Variants in CCDC83 observed in about 807,000 individuals in gnomAD.
CCDC83 encodes the protein coiled-coil domain-containing protein 83.
A neutral mutation model predicts 50.1 loss-of-function variants in CCDC83; 54 were observed. The ratio of observed to expected loss-of-function variants is 1.08; its 90% CI spans 0.87 to 1.35. The LOEUF (loss-of-function observed/expected upper bound fraction) is 1.35. Ranked by LOEUF, CCDC83 falls within the 40% of genes most tolerant of loss-of-function variation. The pLI, the probability that CCDC83 is intolerant of heterozygous loss-of-function variation, is 0.00. For missense variants in CCDC83, 518 were observed against 473.9 expected (o/e 1.09, Z -0.86); for synonymous variants, 161 against 153.3 (o/e 1.05, Z -0.37).
rs938271201 is a variant in CCDC83, at chr11:85,919,447, C to G, written c.1179C>G (p.Leu393=). 1.9e-6 allele frequency: 3 copies of G among 1,612,742 alleles called. No individual in the cohort carries two copies. Among genetic ancestry groups the G allele is most frequent in the Non-Finnish European group, 2.5e-6 (3 of 1,179,030 alleles). ...HFQEKEIPVK[L]YKDVRSPESH... is the part of the protein sequence containing the mutation. ...AAGAGAAGGAAATTCCAGTCAAACT[C>G]TATAAAGATGTCAGGAGCCCAGAAA... The change falls in exon 11 of 11, where the codon CTC becomes CTG. Residue 393 remains leucine (L), a synonymous_variant. Transcript: ENST00000342404.
At chr11:85,867,835 C>T (rs1452436535) in intron 2 of CCDC83, among the ~76,000 whole-genome samples, 1 of 152,170 alleles carries the variant, frequency 6.6e-6, no homozygotes, top group Non-Finnish European at 1.5e-5. Flanking sequence ...ACATCTCATA[C>T]CCTTGTTCTT....
intron 3 of CCDC83, among the ~76,000 whole-genome samples, chr11:85,878,514 A>C (rs2093280898): frequency 6.6e-6 from 1 of 152,220 alleles, no homozygotes; most frequent in Non-Finnish European, 1.5e-5. Context: ...GTGTGTTATC[A>C]GTTAGTTTCT....
chr11:85,912,786 C>T (rs755055346), intron 8 of CCDC83: 3 of 1,157,720 alleles, frequency 2.6e-6, no homozygotes, highest in Non-Finnish European at 3.9e-6. Flanking sequence ...CTGTCCACTG[C>T]CCTCTTTTCT....
intron 3 of CCDC83, among the ~76,000 whole-genome samples, chr11:85,875,274 G>C (rs1206370376): frequency 6.6e-6 from 1 of 152,226 alleles, no homozygotes; most frequent in East Asian, 1.9e-4. Flanking sequence ...TCAGAGGAAA[G>C]CTCGCCAAAC....
At chr11:85,864,741 A>C (rs990269328) in intron 1 of CCDC83, among the ~76,000 whole-genome samples, 3 of 152,196 alleles carry the variant, frequency 2.0e-5, no homozygotes, top group Non-Finnish European at 2.9e-5. Context: ...CATTTAATTA[A>C]TGTCTCTCTG....
intron 7 of CCDC83, among the ~76,000 whole-genome samples, chr11:85,903,728 C>G (rs2093412702): frequency 6.6e-6 from 1 of 152,206 alleles, no homozygotes; most frequent in East Asian, 1.9e-4. Flanking sequence ...CTTATTATCT[C>G]TCACCCAGAT....
chr11:85,886,375 G>A lies in CCDC83; in HGVS notation c.511+8G>A. ...ATGCAGAGAAAATGTCAGGTCAGTT[G>A]CAACAAAACTAGTTCAAGTTCAGTA... On this transcript the variant is annotated splice_region_variant and intron_variant, in intron 5 of 10. Coordinates refer to ENST00000342404, the MANE Select transcript of CCDC83 (RefSeq NM_001286159.2). 1 of 1,571,692 alleles carries A rather than the reference G, an allele frequency of 6.4e-7. No homozygotes were observed.
intron 8 of CCDC83, chr11:85,912,518 T>A (rs937803756): frequency 1.8e-5 from 12 of 682,216 alleles, no homozygotes; most frequent in Non-Finnish European, 2.7e-5. Flanking sequence ...TGAGGCTGAA[T>A]GAGGATTGAT....
chr11:85,898,663 A>ATAGCAG (rs2093386367), intron 6 of CCDC83, among the ~76,000 whole-genome samples: 2 of 152,356 alleles, frequency 1.3e-5, no homozygotes, highest in Admixed American at 1.3e-4. Context: ...GTGAAACATG[A>ATAGCAG]TTTCACCATA....
intron 7 of CCDC83, among the ~76,000 whole-genome samples, chr11:85,902,085 T>A (rs894344043): frequency 7.2e-6 from 1 of 139,586 alleles, no homozygotes; most frequent in Non-Finnish European, 1.5e-5. Flanking sequence ...AATGAAATAA[T>A]AGAAGAAAAT....
chr11:85,883,444 G>A (rs1278318056), intron 4 of CCDC83, among the ~76,000 whole-genome samples: 2 of 152,004 alleles, frequency 1.3e-5, no homozygotes, highest in East Asian at 3.9e-4. Context: ...GAGGAAATAG[G>A]GATTAGCGTT....
chr11:85,859,088 C>G (rs2093159591), intron 1 of CCDC83, among the ~76,000 whole-genome samples: 1 of 143,858 alleles, frequency 7.0e-6, no homozygotes, highest in African/African-American at 2.6e-5. Context: ...AGAGAATAAT[C>G]TGGTCCATAA....
chr11:85,903,756 C>T (rs2093412862), intron 7 of CCDC83, among the ~76,000 whole-genome samples: 1 of 152,122 alleles, frequency 6.6e-6, no homozygotes, highest in South Asian at 2.1e-4. Context: ...TTGTGTCTTA[C>T]CTGGTTTTCT....
At chr11:85,911,651 C>T (rs1376171027) in intron 8 of CCDC83, among the ~76,000 whole-genome samples, 1 of 152,134 alleles carries the variant, frequency 6.6e-6, no homozygotes, top group Non-Finnish European at 1.5e-5. Context: ...ATAACATGAA[C>T]ATCATAACTG....
rs529452766 is a variant in CCDC83, at chr11:85,901,132, C to G, written c.672+2117C>G. Among the ~76,000 whole-genome samples, 287 of 151,526 alleles carry G rather than the reference C, an allele frequency of 1.9e-3. 1 individual carries two copies. The highest frequency in any genetic ancestry group is 6.7e-3 in the African/African-American group (275 of 41,280). The stretch of plus-strand genomic sequence containing the variant: ...CTATAATCCCAGCATTTTGGGCGAC[C>G]AATGCAGGCAGATCACTTGAGTGCA... On this transcript the variant is annotated intron_variant, in intron 7 of 10. Transcript: ENST00000342404.
At chr11:85,919,153 T>G (rs1288139698) in intron 10 of CCDC83, among the ~76,000 whole-genome samples, 196 bp from the exon 11 acceptor site, 6 of 152,220 alleles carry the variant, frequency 3.9e-5, no homozygotes. Flanking sequence ...CTACTGGGTA[T>G]ATAAGTTTCC....
intron 7 of CCDC83, among the ~76,000 whole-genome samples, chr11:85,900,513 TC>T (rs2093396250): frequency 1.3e-5 from 2 of 152,200 alleles, no homozygotes; most frequent in African/African-American, 4.8e-5. Flanking sequence ...CAGTCCACAT[TC>T]CCATTCAGAG....
intron 5 of CCDC83, among the ~76,000 whole-genome samples, chr11:85,893,613 G>A (rs1163563045): frequency 1.3e-5 from 2 of 152,220 alleles, no homozygotes; most frequent in Admixed American, 6.5e-5. Flanking sequence ...GGAGAAGCAA[G>A]TGAATCTTTG....
intron 3 of CCDC83, among the ~76,000 whole-genome samples, chr11:85,874,890 C>T (rs922418197): frequency 2.6e-5 from 4 of 152,168 alleles, no homozygotes; most frequent in African/African-American, 7.2e-5. Context: ...AAATCTGACC[C>T]CTGTTCACCT....
Sources: allele counts gnomAD v4.1 joint callset (sites outside exome capture counted in the v4.1 genomes callset), GRCh38; gene constraint gnomAD v4.1.1; transcripts MANE v1.5; gene names NCBI Gene and HGNC (gene_info 2026-07-23, HGNC 2026-07-21).